The following GPR176 variants were observed in gnomAD, a reference collection of about 807,000 sequenced individuals.
The protein encoded by GPR176 is G-protein coupled receptor 176.
Under a neutral mutation model 35.4 loss-of-function variants are expected in GPR176, and 26 were observed. The observed-to-expected ratio is 0.74, with a 90% CI of 0.54 to 1.02. The LOEUF is 1.02. Among genes scored for constraint, GPR176 ranks in the 50% least tolerant of loss-of-function variants. The pLI is 0.00. For missense variants in GPR176, 597 were observed against 665.3 expected, an observed-to-expected ratio of 0.90 and a Z score of 1.13; for synonymous variants, 278 against 271.3, an observed-to-expected ratio of 1.02 and a Z score of -0.24.
At chr15:39,916,759 C>T (rs2033736339) in intron 1 of GPR176, among the ~76,000 whole-genome samples, 1 of 152,170 alleles carries the variant, frequency 6.6e-6, no homozygotes, top group South Asian at 2.1e-4. Flanking sequence ...ATTCCATCCT[C>T]CCACAATTTA....
chr15:39,883,831 A>T (rs563987658), intron 1 of GPR176, among the ~76,000 whole-genome samples: 6 of 150,884 alleles, frequency 4.0e-5, no homozygotes, highest in African/African-American at 1.5e-4. Flanking sequence ...TACATATAAC[A>T]AGATCCAGAA....
chr15:39,807,788 T>C (rs947393061), intron 1 of GPR176, among the ~76,000 whole-genome samples: 2 of 152,258 alleles, frequency 1.3e-5, no homozygotes, highest in African/African-American at 4.8e-5. Context: ...AAATTATTAA[T>C]ATTTTTCATT....
rs780090644 is a variant in GPR176, at chr15:39,807,011, C to T, written c.420G>A (p.Leu140=). 1 of 1,611,294 alleles carries T rather than the reference C, an allele frequency of 6.2e-7. No homozygotes were observed. The highest frequency in any genetic ancestry group is 1.1e-5 in the South Asian group (1 of 90,554). The part of the protein sequence containing the change: ...VTILSFPAIA[L]DRYYSVLYPL... ...TCCTGGCTACCTGATCTTACCTGTC[C>T]AAAGCAATAGCAGGGAAGCTGAGGA... Residue 140 remains leucine, a synonymous_variant, in exon 2 of 3, where the codon TTG becomes TTA. Transcript: ENST00000561100.
chr15:39,809,356 T>A (rs930778055), intron 1 of GPR176, among the ~76,000 whole-genome samples: 7 of 152,006 alleles, frequency 4.6e-5, no homozygotes, highest in Admixed American at 6.6e-5. Context: ...CAATACCCAT[T>A]TGGTTACACA....
At position 39,801,973 on chromosome 15, in the gene GPR176, T is replaced by C. The variant is rs781136586; in HGVS notation, c.707A>G (p.Gln236Arg). 3 of 1,614,090 alleles carry C rather than the reference T, an allele frequency of 1.9e-6. No homozygotes were observed. Among genetic ancestry groups the C allele is most frequent in the Non-Finnish European group, 1.7e-6 (2 of 1,180,022 alleles). ...ILIRRALSAS[Q>R]KKKVIIAALR... ...CGCTGCTATGATGACCTTCTTCTTC[T>C]GGCTGGCACTCAGGGCCCGTCGGAT... is the stretch of plus-strand genomic sequence containing the variant. Residue 236 changes from glutamine (Q) to arginine (R), a missense_variant, in exon 3 of 3, where the codon CAG becomes CGG. By Grantham distance (43) the Gln-to-Arg change is conservative. Around this residue, in one of 3 missense-constraint regions of GPR176, gnomAD observed 220 missense variants for 297.6 expected, o/e 0.74. Coordinates refer to ENST00000561100, the MANE Select transcript of GPR176 (RefSeq NM_007223.3).
intron 2 of GPR176, among the ~76,000 whole-genome samples, chr15:39,804,613 T>C (rs1899082390): frequency 6.6e-6 from 1 of 150,812 alleles, no homozygotes; most frequent in African/African-American, 2.4e-5. Flanking sequence ...TGTTGAGTCT[T>C]ATTTAAAAAA....
At chr15:39,819,318 AC>A (rs1005030048) in intron 1 of GPR176, among the ~76,000 whole-genome samples, 56 of 152,296 alleles carry the variant, frequency 3.7e-4, no homozygotes, top group African/African-American at 1.3e-3. Flanking sequence ...TTCACATTGC[AC>A]TTAGGCTTCA....
At chr15:39,907,392 A>C (rs1038971981) in intron 1 of GPR176, among the ~76,000 whole-genome samples, 2 of 152,176 alleles carry the variant, frequency 1.3e-5, no homozygotes, top group Non-Finnish European at 2.9e-5. Context: ...CTGCCCTCCA[A>C]GCCCTGAGCT....
intron 1 of GPR176, among the ~76,000 whole-genome samples, chr15:39,836,033 G>A (rs760110761): frequency 1.2e-4 from 18 of 152,148 alleles, no homozygotes; most frequent in Non-Finnish European, 2.2e-4. Flanking sequence ...AGGCAGAGGT[G>A]GCAGTGAGCC....
At chr15:39,874,637 T>C (rs770863612) in intron 1 of GPR176, among the ~76,000 whole-genome samples, 2 of 152,258 alleles carry the variant, frequency 1.3e-5, no homozygotes, top group African/African-American at 2.4e-5. Context: ...CCTTTTATCA[T>C]CTTTACTTTC....
intron 1 of GPR176, among the ~76,000 whole-genome samples, chr15:39,862,943 G>A (rs1026020074): frequency 1.3e-5 from 2 of 152,130 alleles, no homozygotes; most frequent in Non-Finnish European, 2.9e-5. Flanking sequence ...CTCCTTGCCT[G>A]TTATTGCCCC....
chr15:39,885,577 T>C (rs962668058), intron 1 of GPR176, among the ~76,000 whole-genome samples: 31 of 152,214 alleles, frequency 2.0e-4, no homozygotes, highest in African/African-American at 7.0e-4. Context: ...CTGGTCTAGA[T>C]TGCTTCATCT....
At chr15:39,893,340 CA>C (rs2032945920) in intron 1 of GPR176, among the ~76,000 whole-genome samples, 1 of 152,016 alleles carries the variant, frequency 6.6e-6, no homozygotes, top group Non-Finnish European at 1.5e-5. Context: ...ATCTGTTTAA[CA>C]AAGCACATCT....
chr15:39,838,347 C>G (rs954978658), intron 1 of GPR176, among the ~76,000 whole-genome samples: 1 of 152,040 alleles, frequency 6.6e-6, no homozygotes, highest in African/African-American at 2.4e-5. Flanking sequence ...TGCTGCTCAG[C>G]CTTCATCTTA....
rs175728 is a variant in GPR176, at chr15:39,851,102, C to T, written c.173-43844G>A. 4.9e-3 allele frequency among the ~76,000 whole-genome samples: 749 copies of T among 152,168 alleles called. 4 individuals are homozygous for T. Among genetic ancestry groups the T allele is most frequent in the African/African-American group, 0.017 (694 of 41,516 alleles). On this transcript the variant is annotated intron_variant, in intron 1 of 2. Coordinates refer to ENST00000561100, the MANE Select transcript of GPR176 (RefSeq NM_007223.3). ...TTGAACAACTGTCAGACAGATAATG[C>T]CATCATTTACTGAGATAAGGACAAT...
At chr15:39,915,885 A>T (rs2033715228) in intron 1 of GPR176, among the ~76,000 whole-genome samples, 1 of 152,230 alleles carries the variant, frequency 6.6e-6, no homozygotes, top group Admixed American at 6.5e-5. Flanking sequence ...ATCTCAAAAC[A>T]AAAAGAATTA....
chr15:39,850,004 T>A (rs958992127), intron 1 of GPR176, among the ~76,000 whole-genome samples: 4 of 152,138 alleles, frequency 2.6e-5, no homozygotes, highest in Admixed American at 6.5e-5. Context: ...AATATTTGCA[T>A]GTCTAAACAT....
rs10712342 is a variant in GPR176, at chr15:39,859,993, C to CAAA, written c.173-52738_173-52736dup. The stretch of plus-strand genomic sequence containing the variant: ...TTGCCACAATAAAAAAGGCTTAAAT[C>CAAA]AAAAAAAAAAAAGCCATTGTTACTT... On this transcript the variant is annotated intron_variant, in intron 1 of 2. Coordinates refer to ENST00000561100, the MANE Select transcript of GPR176 (RefSeq NM_007223.3). Among the ~76,000 whole-genome samples the CAAA allele has an allele frequency of 5.5e-5, 8 of 146,652 alleles. 1 individual carries two copies. The East Asian group carries it at 1.2e-3, about 22-fold the overall frequency.
At chr15:39,838,863 T>C (rs1469265784) in intron 1 of GPR176, among the ~76,000 whole-genome samples, 1 of 152,020 alleles carries the variant, frequency 6.6e-6, no homozygotes, top group Non-Finnish European at 1.5e-5. Flanking sequence ...AAATAAAGGG[T>C]ATTCTATCAG....
Sources: allele counts gnomAD v4.1 joint callset (sites outside exome capture counted in the v4.1 genomes callset), GRCh38; gene constraint gnomAD v4.1.1; regional missense constraint gnomAD v4.1.1; transcripts MANE v1.5; gene names NCBI Gene and HGNC (gene_info 2026-07-23, HGNC 2026-07-21).